NRXN3: variants seen among roughly 807,000 people sequenced by gnomAD.
NRXN3 encodes neurexin 3, also known as neurexin III.
NRXN3 carries 32 observed loss-of-function variants against 137.6 expected under a neutral mutation model. The ratio of observed to expected loss-of-function variants is 0.23; its 90% CI spans 0.18 to 0.31. NRXN3 has a LOEUF of 0.31. Among genes scored for constraint, NRXN3 ranks in the 10% least tolerant of loss-of-function variants. NRXN3 has a pLI of 1.00. For synonymous variants in NRXN3, 798 were observed against 784.5 expected, an observed-to-expected ratio of 1.02 and a Z score of -0.29; for missense variants, 1,574 against 2,062.5, an observed-to-expected ratio of 0.76 and a Z score of 4.59.
At chr14:79,335,432 A>G (rs553982283) in intron 15 of NRXN3, among the ~76,000 whole-genome samples, 12 of 152,146 alleles carry the variant, frequency 7.9e-5, no homozygotes, top group Non-Finnish European at 1.6e-4. Context: ...TCCTGAATTT[A>G]TGCTTGTTGT....
intron 10 of NRXN3, among the ~76,000 whole-genome samples, chr14:78,945,744 T>A (rs2099363913): frequency 6.6e-6 from 1 of 152,232 alleles, no homozygotes; most frequent in Non-Finnish European, 1.5e-5. Flanking sequence ...GTGACTTAAA[T>A]GAGCAGAGCT....
rs1437775781 is a variant in NRXN3 at position 79,297,103 on chromosome 14, G to A, written c.3263-170118G>A. Among the ~76,000 whole-genome samples the A allele has an allele frequency of 2.0e-5, 3 of 152,298 alleles. No individual in the cohort carries two copies. In the East Asian group the frequency reaches 5.8e-4, roughly 29 times the overall value. On this transcript the variant is annotated intron_variant, in intron 15 of 20. Coordinates refer to ENST00000335750, the MANE Select transcript of NRXN3 (RefSeq NM_001330195.2). ...TCAGAACTAAGAACTCTTCTTTAGT[G>A]TAGCACCTCCTCAAGGAAATCCCCC...
intron 4 of NRXN3, among the ~76,000 whole-genome samples, chr14:78,632,758 AT>A (rs2097532965): frequency 6.6e-6 from 1 of 152,210 alleles, no homozygotes; most frequent in South Asian, 2.1e-4. Flanking sequence ...TCTATTAATA[AT>A]TCATTTGTTC....
In NRXN3 at chr14:79,087,393, C is replaced by T. The variant is rs747288627; in HGVS notation, c.3262+99252C>T. On this transcript the variant is annotated intron_variant, in intron 15 of 20. Transcript: ENST00000335750. ...ATCCCCGGTGGAGTCAATAGGAAGT[C>T]GGCACAACAGACAAGGAAGAGCTGT... Among the ~76,000 whole-genome samples, 10 of 152,112 alleles carry T rather than the reference C, an allele frequency of 6.6e-5. No individual in the cohort carries two copies. In the East Asian group the frequency reaches 9.7e-4, roughly 15 times the overall value.
At chr14:79,672,596 C>T (rs751132764) in intron 17 of NRXN3, among the ~76,000 whole-genome samples, 1 of 152,014 alleles carries the variant, frequency 6.6e-6, no homozygotes, top group Non-Finnish European at 1.5e-5. Context: ...TGCATAATTT[C>T]AAAGCTGGTT....
chr14:78,775,348 G>C (rs1369296955), intron 8 of NRXN3, among the ~76,000 whole-genome samples: 1 of 152,200 alleles, frequency 6.6e-6, no homozygotes, highest in Non-Finnish European at 1.5e-5. Context: ...TTTCAAATTA[G>C]TATCATGGTT....
At chr14:78,537,615 T>C (rs536738469) in intron 4 of NRXN3, among the ~76,000 whole-genome samples, 82 of 152,362 alleles carry the variant, frequency 5.4e-4, no homozygotes, top group African/African-American at 1.9e-3. Context: ...TTGGTTTAAT[T>C]AGATCCCATT....
intron 4 of NRXN3, among the ~76,000 whole-genome samples, chr14:78,298,745 A>G (rs556037506): frequency 2.6e-5 from 4 of 152,306 alleles, no homozygotes; most frequent in South Asian, 4.1e-4. Context: ...CCTGTAACCA[A>G]AAGTCTAATT....
intron 14 of NRXN3, among the ~76,000 whole-genome samples, chr14:78,975,761 C>T (rs748646345): frequency 3.3e-5 from 5 of 152,190 alleles, no homozygotes; most frequent in Admixed American, 6.5e-5. Flanking sequence ...AGAAAGTGAA[C>T]TCTTTCTCCT....
intron 4 of NRXN3, among the ~76,000 whole-genome samples, chr14:78,542,596 G>A (rs2096601184): frequency 6.6e-6 from 1 of 152,202 alleles, no homozygotes; most frequent in Admixed American, 6.5e-5. Flanking sequence ...AGTCTGTCAT[G>A]GCTTCCCTTG....
chr14:78,569,867 CCTGAG>C (rs1179992661), intron 4 of NRXN3, among the ~76,000 whole-genome samples: 1 of 152,210 alleles, frequency 6.6e-6, no homozygotes, highest in African/African-American at 2.4e-5. Flanking sequence ...GCCTCAGCCT[CCTGAG>C]TAGCTGCGAC....
At chr14:78,369,081 C>A (rs562631458) in intron 4 of NRXN3, among the ~76,000 whole-genome samples, 4 of 152,186 alleles carry the variant, frequency 2.6e-5, no homozygotes, top group East Asian at 1.9e-4. Context: ...CTGGATTAAT[C>A]GCTTAATATG....
chr14:78,490,506 T>C (rs2095646688), intron 4 of NRXN3, among the ~76,000 whole-genome samples: 1 of 152,212 alleles, frequency 6.6e-6, no homozygotes, highest in South Asian at 2.1e-4. Flanking sequence ...CCCTGCTGCA[T>C]GCTTGTTTCT....
chr14:78,802,903 ACT>A (rs1412548495), intron 8 of NRXN3, among the ~76,000 whole-genome samples: 27 of 152,218 alleles, frequency 1.8e-4, no homozygotes, highest in Non-Finnish European at 3.7e-4. Context: ...CGAAGATCAC[ACT>A]GCTGCACTCC....
chr14:79,861,601 A>G lies in NRXN3; in HGVS notation c.4353A>G (p.Leu1451=), dbSNP rs2099413944. The change falls in exon 21 of 21, where the codon CTA becomes CTG. Residue 1451 remains leucine (L), a synonymous_variant. Transcript: ENST00000335750. The surrounding 1 kb of genome is among the most constrained non-coding windows in gnomAD (Gnocchi z 5.4). ...VLLPLPTAYE[L]DSTKLKSPLI... ...TTCCGTTGCCCACTGCCTATGAGCT[A>G]GACAGCACCAAACTGAAGAGCCCAC... 1.2e-6 allele frequency: 2 copies of G among 1,613,034 alleles called. No homozygotes were observed. The highest frequency in any genetic ancestry group is 2.2e-5 in the South Asian group (2 of 90,944).
chr14:78,443,140 T>C (rs1318205540), intron 4 of NRXN3, among the ~76,000 whole-genome samples: 1 of 152,238 alleles, frequency 6.6e-6, no homozygotes, highest in Non-Finnish European at 1.5e-5. Context: ...TTTAAAATTC[T>C]TTTCAAAATG....
chr14:79,498,427 G>A (rs2096788293), intron 16 of NRXN3, among the ~76,000 whole-genome samples: 1 of 152,170 alleles, frequency 6.6e-6, no homozygotes, highest in Admixed American at 6.5e-5. Flanking sequence ...GACTGCCCGT[G>A]TGAAGAGCTT....
intron 9 of NRXN3, among the ~76,000 whole-genome samples, chr14:78,808,602 A>G (rs1047964152): frequency 6.6e-6 from 1 of 151,974 alleles, no homozygotes; most frequent in African/African-American, 2.4e-5. Context: ...CTGTCTGGTA[A>G]TCATACCGGT....
intron 1 of NRXN3, among the ~76,000 whole-genome samples, chr14:78,184,515 T>C (rs2060068803): frequency 2.0e-5 from 3 of 152,142 alleles, no homozygotes; most frequent in Admixed American, 1.3e-4. Context: ...AGGGAGAAAA[T>C]GTGTCTTTTT....
Sources: gnomAD v4.1 joint callset for allele counts (sites outside exome capture counted in the v4.1 genomes callset) on GRCh38, gnomAD v4.1.1 for gene constraint, Gnocchi (gnomAD v3.1) non-coding constraint, MANE v1.5 for transcripts, NCBI Gene and HGNC (gene_info 2026-07-23, HGNC 2026-07-21) for gene names.